The following MROH2A variants were observed in gnomAD, a reference collection of about 807,000 sequenced individuals.
MROH2A encodes maestro heat like repeat family member 2A.
In MROH2A, 174 loss-of-function variants were observed where a neutral mutation model predicts 200.4. The ratio of observed to expected loss-of-function variants is 0.87; its 90% CI spans 0.77 to 0.98. The LOEUF (loss-of-function observed/expected upper bound fraction) is 0.98. MROH2A is among the 50% of genes least tolerant of loss of function. The pLI is 0.00. For synonymous variants in MROH2A, 829 were observed against 840.4 expected (o/e 0.99, Z 0.23); for missense variants, 2,045 against 2,139.6 (o/e 0.96, Z 0.87).
intron 31 of MROH2A, 53 bp from the exon 32 acceptor site, chr2:233,822,071 T>C: frequency 6.6e-7 from 1 of 1,512,886 alleles, no homozygotes; most frequent in Non-Finnish European, 8.9e-7. Flanking sequence ...GATTCTTACC[T>C]GCCAGGGCAC....
intron 3 of MROH2A, among the ~76,000 whole-genome samples, chr2:233,781,559 T>A (rs1700956216): frequency 6.6e-6 from 1 of 152,158 alleles, no homozygotes; most frequent in Admixed American, 6.5e-5. Context: ...TCTGTTCAGA[T>A]CTTTTGCCCA....
At chr2:233,819,792 C>T (rs1703810820) in intron 30 of MROH2A, 110 bp from the exon 31 acceptor site, 1 of 1,248,420 alleles carries the variant, frequency 8.0e-7, no homozygotes, top group African/African-American at 1.5e-5. Flanking sequence ...GCTTAACCTC[C>T]CCATTGTCCA....
intron 19 of MROH2A, among the ~76,000 whole-genome samples, chr2:233,806,967 C>A (rs1449070051): frequency 6.6e-6 from 1 of 152,056 alleles, no homozygotes; most frequent in Non-Finnish European, 1.5e-5. Flanking sequence ...CCTGAGTCCG[C>A]AAAGTCCATT....
intron 5 of MROH2A, among the ~76,000 whole-genome samples, chr2:233,792,556 G>T (rs374100481): frequency 1.3e-5 from 2 of 151,992 alleles, no homozygotes; most frequent in African/African-American, 2.4e-5. Context: ...CTCGTGATCC[G>T]CCCACCTTGG....
Position 233,800,189 on chromosome 2 carries a change from T to C in MROH2A, c.1450-16T>C. ...TGCTAGGCCACAGGTGGGAATCCCT[T>C]GGTTCTTTCTTCCAGACAAATCGCC... On this transcript the variant is annotated splice_polypyrimidine_tract_variant and intron_variant, in intron 13 of 41. Transcript: ENST00000389758. 1.3e-6 allele frequency: 2 copies of C among 1,527,504 alleles called. No individual in the cohort carries two copies. The highest frequency in any genetic ancestry group is 1.8e-6 in the Non-Finnish European group (2 of 1,130,154). 94.6% of individuals were successfully genotyped at this position (1,527,504 alleles called of 1,614,324 possible).
intron 38 of MROH2A, 142 bp from the exon 39 acceptor site, chr2:233,831,267 C>T: frequency 9.3e-7 from 1 of 1,074,568 alleles, no homozygotes; most frequent in Non-Finnish European, 1.3e-6. Context: ...TCCCAGGTGG[C>T]CTCCCAGGAG....
intron 35 of MROH2A, among the ~76,000 whole-genome samples, chr2:233,824,809 C>T (rs1704193644): frequency 2.6e-5 from 4 of 152,128 alleles, no homozygotes; most frequent in Non-Finnish European, 5.9e-5. Context: ...TTAGGTTCAG[C>T]TTTTTTGGTT....
At chr2:233,812,834 A>C (rs1703257227) in intron 24 of MROH2A, among the ~76,000 whole-genome samples, 2 of 152,242 alleles carry the variant, frequency 1.3e-5, no homozygotes, top group South Asian at 4.1e-4. Context: ...GGCTTGGTGC[A>C]AAGTTGGCAT....
Position 233,828,553 on chromosome 2 carries a change from C to G in MROH2A, c.4114-77C>G, listed in dbSNP as rs1229102736. Reference sequence around the variant, plus strand: ...CCACAGAGCCACCAATCTGCATTACCTCTCCTCCCACGTCCCACCTTGCTG... The same window carrying G: ...CCACAGAGCCACCAATCTGCATTACGTCTCCTCCCACGTCCCACCTTGCTG... On this transcript the variant is annotated intron_variant, in intron 35 of 41. Transcript: ENST00000389758. This position sits in a 1 kb window ranked among gnomAD's most constrained non-coding sequence, Gnocchi z 4.6. 1.1e-5 allele frequency: 17 copies of G among 1,503,050 alleles called. No individual in the cohort carries two copies. Among genetic ancestry groups the G allele is most frequent in the Non-Finnish European group, 1.2e-5 (13 of 1,117,826 alleles). 93.1% of individuals were successfully genotyped at this position (1,503,050 alleles called of 1,614,324 possible). A position where few individuals can be genotyped will look rare whatever the true frequency, so the allele number is the denominator to read the frequency against.
At chr2:233,791,331 G>T (rs1003897867) in intron 5 of MROH2A, among the ~76,000 whole-genome samples, 1 of 152,176 alleles carries the variant, frequency 6.6e-6, no homozygotes, top group Non-Finnish European at 1.5e-5. Flanking sequence ...TGACAGGTGG[G>T]AAGGGGCTCT....
chr2:233,817,154 C>A (rs549856523), intron 27 of MROH2A, among the ~76,000 whole-genome samples: 30 of 152,268 alleles, frequency 2.0e-4, no homozygotes, highest in African/African-American at 6.3e-4. Context: ...TAGTTATGAA[C>A]CCCACATTGG....
chr2:233,813,174 C>T (rs191002727), intron 24 of MROH2A, among the ~76,000 whole-genome samples: 247 of 152,320 alleles, frequency 1.6e-3, no homozygotes, highest in African/African-American at 5.8e-3. Flanking sequence ...GAGGGCTTAT[C>T]AAAACACAGA....
At chr2:233,806,991 G>A (rs1021444898) in intron 19 of MROH2A, among the ~76,000 whole-genome samples, 4 of 151,630 alleles carry the variant, frequency 2.6e-5, no homozygotes, top group Non-Finnish European at 5.9e-5. Flanking sequence ...TCATTCTTAT[G>A]CCTTAGCATC....
intron 21 of MROH2A, among the ~76,000 whole-genome samples, chr2:233,808,364 C>A (rs28900668): frequency 0.022 from 3,371 of 152,238 alleles, 123 homozygotes; most frequent in African/African-American, 0.077. Flanking sequence ...AGTATTTGGA[C>A]CCAGACAGCC....
rs775400641 is a variant in MROH2A, at chr2:233,816,821, G to A, written c.2897G>A (p.Arg966Gln). 3.9e-5 allele frequency: 60 copies of A among 1,550,280 alleles called. No individual in the cohort carries two copies. The African/African-American group carries it at 6.8e-4, about 18-fold the overall frequency. ...ATCTTGTCGGAGAAAGAATGGGAGCGGGAAAAGGCCGTGAGCCTCCATCTC... is the reference window on the plus strand; with the variant it reads ...ATCTTGTCGGAGAAAGAATGGGAGCAGGAAAAGGCCGTGAGCCTCCATCTC... ...KWILSEKEWE[R>Q]EKAVSLHLYL... is the part of the protein sequence containing the mutation. Residue 966 changes from arginine (R) to glutamine (Q), a missense_variant, in exon 27 of 42, where the codon CGG becomes CAG. Arg to Gln is a conservative substitution (Grantham distance 43, BLOSUM62 1). Around this residue, in one of 3 missense-constraint regions of MROH2A, gnomAD observed 1,201 missense variants for 1,311.3 expected, o/e 0.92. Transcript: ENST00000389758.
chr2:233,822,010 C>G (rs1703969456), intron 31 of MROH2A, 114 bp from the exon 32 acceptor site: 1 of 1,290,416 alleles, frequency 7.7e-7, no homozygotes. Flanking sequence ...CCCTGAGATT[C>G]AGTCCCCAGA....
Position 233,820,213 on chromosome 2 carries a change from G to A in MROH2A, c.3512+157G>A, listed in dbSNP as rs987741880. ...TCTTCCTGTACCTCCTGCAGGAGGT[G>A]CCAGCCTCCGACGAGCCACTGACAG... On this transcript the variant is annotated intron_variant, in intron 31 of 41. Coordinates refer to ENST00000389758, the MANE Select transcript of MROH2A (RefSeq NM_001394639.1). The surrounding 1 kb of genome is among the most constrained non-coding windows in gnomAD (Gnocchi z 4.1). Among the ~76,000 whole-genome samples, 1 of 152,166 alleles carries A rather than the reference G, an allele frequency of 6.6e-6. No individual in the cohort carries two copies. The highest frequency in any genetic ancestry group is 2.4e-5 in the African/African-American group (1 of 41,428).
chr2:233,820,542 C>A lies in MROH2A; in HGVS notation c.3512+486C>A, dbSNP rs1703867687. 6.6e-6 allele frequency among the ~76,000 whole-genome samples: 1 copy of A among 152,170 alleles called. No individual in the cohort carries two copies. The highest frequency in any genetic ancestry group is 6.5e-5 in the Admixed American group (1 of 15,280). ...GAGGTGGCCATGAGTGATGCAGAGC[C>A]ACCCCATCTTTATTGGTGTTTCTCT... On this transcript the variant is annotated intron_variant, in intron 31 of 41. Coordinates refer to ENST00000389758, the MANE Select transcript of MROH2A (RefSeq NM_001394639.1). The surrounding 1 kb of genome is among the most constrained non-coding windows in gnomAD (Gnocchi z 4.1).
chr2:233,791,889 G>A (rs995338617), intron 5 of MROH2A, among the ~76,000 whole-genome samples: 1 of 152,108 alleles, frequency 6.6e-6, no homozygotes, highest in African/African-American at 2.4e-5. Context: ...AGAGGACAAG[G>A]GACAGCAGCG....
Sources: gnomAD v4.1 joint callset for allele counts (sites outside exome capture counted in the v4.1 genomes callset) on GRCh38, gnomAD v4.1.1 for gene constraint, gnomAD v4.1.1 regional missense constraint, Gnocchi (gnomAD v3.1) non-coding constraint, MANE v1.5 for transcripts, NCBI Gene and HGNC (gene_info 2026-07-23, HGNC 2026-07-21) for gene names.